Variants in EEFSEC observed in about 807,000 individuals in gnomAD.
EEFSEC encodes the protein eukaryotic elongation factor, selenocysteine-tRNA specific.
In EEFSEC, 43 loss-of-function variants were observed where a neutral mutation model predicts 42.1. The ratio of observed to expected loss-of-function variants is 1.02; its 90% confidence interval spans 0.80 to 1.32. The LOEUF is 1.32. Ranked by LOEUF, EEFSEC falls within the 40% of genes most tolerant of loss-of-function variation. The pLI is 0.00. For missense variants in EEFSEC, 745 were observed against 803.6 expected (o/e 0.93, Z 0.88); for synonymous variants, 354 against 339.1 (o/e 1.04, Z -0.48).
chr3:128,251,206 C>T (rs369933107), intron 2 of EEFSEC, among the ~76,000 whole-genome samples: 2 of 152,106 alleles, frequency 1.3e-5, no homozygotes, highest in East Asian at 3.8e-4. Flanking sequence ...ATCATTTGCT[C>T]ATGTAACCAC....
rs905492446 is a variant in EEFSEC, at chr3:128,249,409, A to AT, written c.524+2374dup. On this transcript the variant is annotated intron_variant, in intron 2 of 6. Transcript: ENST00000254730. ...GTATTGCCCCCACTTTTTCTTCCAC[A>AT]TTTTTTTTATTGTGGTAAAATACAT... is the stretch of plus-strand genomic sequence containing the variant. Among the ~76,000 whole-genome samples, 14 of 151,664 alleles carry AT rather than the reference A, an allele frequency of 9.2e-5. No individual in the cohort carries two copies. The East Asian group carries it at 1.5e-3, about 17-fold the overall frequency.
chr3:128,237,204 C>T (rs2066021877), intron 1 of EEFSEC, among the ~76,000 whole-genome samples: 1 of 152,144 alleles, frequency 6.6e-6, no homozygotes, highest in African/African-American at 2.4e-5. Context: ...TGTCACTGGA[C>T]TTTATCGTAT....
chr3:128,242,722 T>C (rs2066085047), intron 1 of EEFSEC, among the ~76,000 whole-genome samples: 1 of 152,252 alleles, frequency 6.6e-6, no homozygotes, highest in Admixed American at 6.5e-5. Flanking sequence ...GAAATTGTAA[T>C]TTTTAAATGT....
At chr3:128,193,022 G>A (rs367838181) in intron 1 of EEFSEC, among the ~76,000 whole-genome samples, 4 of 152,146 alleles carry the variant, frequency 2.6e-5, no homozygotes, top group Admixed American at 6.5e-5. Context: ...ATGATCTTAC[G>A]TGACAACATG....
intron 6 of EEFSEC, among the ~76,000 whole-genome samples, chr3:128,377,292 T>C (rs1377740176): frequency 1.3e-5 from 2 of 152,162 alleles, no homozygotes; most frequent in African/African-American, 4.8e-5. Context: ...CTCTGTGGTC[T>C]CCAAGGGAAG....
At chr3:128,349,173 AC>A in intron 5 of EEFSEC, among the ~76,000 whole-genome samples, 1 of 152,268 alleles carries the variant, frequency 6.6e-6, no homozygotes, top group East Asian at 1.9e-4. Flanking sequence ...GAGGGCAGGG[AC>A]AGGGAGCTTA....
chr3:128,384,310 C>T (rs1245694538), intron 6 of EEFSEC, among the ~76,000 whole-genome samples: 2 of 152,206 alleles, frequency 1.3e-5, no homozygotes, highest in South Asian at 2.1e-4. Context: ...TGGAAGAGGT[C>T]GGGGTTTCCC....
chr3:128,320,775 G>A (rs1179662021), intron 4 of EEFSEC, among the ~76,000 whole-genome samples: 1 of 152,238 alleles, frequency 6.6e-6, no homozygotes, highest in African/African-American at 2.4e-5. Context: ...CTCCACCAGT[G>A]TATAAGTGTT....
intron 1 of EEFSEC, among the ~76,000 whole-genome samples, chr3:128,194,301 G>A (rs1304081680): frequency 6.6e-6 from 1 of 152,210 alleles, no homozygotes; most frequent in African/African-American, 2.4e-5. Flanking sequence ...CACCTGGATT[G>A]AGGATCTGTG....
chr3:128,153,898 C>G (rs1164821256), intron 1 of EEFSEC, 75 bp downstream of exon 1: 35 of 1,424,728 alleles, frequency 2.5e-5, no homozygotes, highest in Non-Finnish European at 3.1e-5. Flanking sequence ...CGAATTCGCT[C>G]GAGCCTTTGC....
chr3:128,174,085 GAAAC>G (rs555774146), intron 1 of EEFSEC, among the ~76,000 whole-genome samples: 34 of 152,314 alleles, frequency 2.2e-4, no homozygotes, highest in African/African-American at 7.0e-4. Flanking sequence ...CCTGGAGGAG[GAAAC>G]ATTGCTCTGG....
chr3:128,391,061 G>A (rs756170609), intron 6 of EEFSEC, among the ~76,000 whole-genome samples: 23 of 152,214 alleles, frequency 1.5e-4, no homozygotes, highest in East Asian at 3.8e-4. Flanking sequence ...TGTTGGCATC[G>A]CCTGTCTCCC....
intron 1 of EEFSEC, among the ~76,000 whole-genome samples, chr3:128,245,672 G>A (rs950726515): frequency 6.6e-6 from 1 of 152,196 alleles, no homozygotes; most frequent in Non-Finnish European, 1.5e-5. Context: ...GGTGTCAGGA[G>A]CCCTGATTTC....
chr3:128,208,205 T>C (rs2065720194), intron 1 of EEFSEC, among the ~76,000 whole-genome samples: 1 of 152,218 alleles, frequency 6.6e-6, no homozygotes, highest in Admixed American at 6.5e-5. Flanking sequence ...TCTCTGCCTC[T>C]AAGTGGCGGA....
chr3:128,240,689 C>G (rs868866683), intron 1 of EEFSEC, among the ~76,000 whole-genome samples: 1 of 152,224 alleles, frequency 6.6e-6, no homozygotes, highest in African/African-American at 2.4e-5. Context: ...TCTCCTTGCT[C>G]TCTCTGCAGA....
intron 4 of EEFSEC, among the ~76,000 whole-genome samples, chr3:128,267,465 A>G (rs1221358915): frequency 6.6e-6 from 1 of 152,228 alleles, no homozygotes; most frequent in Non-Finnish European, 1.5e-5. Context: ...CAGGAAAAGC[A>G]GAACTTGTAA....
intron 6 of EEFSEC, among the ~76,000 whole-genome samples, 161 bp downstream of exon 6, chr3:128,358,534 G>A (rs2067486534): frequency 6.6e-6 from 1 of 152,254 alleles, no homozygotes; most frequent in Admixed American, 6.5e-5. Context: ...CTCTGGCTGG[G>A]AAGCCAGTAT....
At chr3:128,334,984 T>G (rs570786478) in intron 4 of EEFSEC, among the ~76,000 whole-genome samples, 3 of 152,336 alleles carry the variant, frequency 2.0e-5, no homozygotes, top group Non-Finnish European at 1.5e-5. Context: ...TCCTCCCATT[T>G]GGTAGACTCT....
chr3:128,169,126 G>T (rs1233143289), intron 1 of EEFSEC, among the ~76,000 whole-genome samples: 1 of 152,226 alleles, frequency 6.6e-6, no homozygotes, highest in African/African-American at 2.4e-5. Flanking sequence ...AGCAGGACAA[G>T]ACAGGATGCC....
Sources: allele counts gnomAD v4.1 joint callset (sites outside exome capture counted in the v4.1 genomes callset), GRCh38; gene constraint gnomAD v4.1.1; transcripts MANE v1.5; gene names NCBI Gene and HGNC (gene_info 2026-07-23, HGNC 2026-07-21).